INSR: variants seen among roughly 807,000 people sequenced by gnomAD.
INSR encodes IR.
In INSR, 67 loss-of-function variants were observed where a neutral mutation model predicts 142.6. That is an observed-to-expected ratio of 0.47 (90% CI 0.39 to 0.58). The LOEUF is 0.58. Ranked by LOEUF, INSR falls within the 20% of genes least tolerant of loss-of-function variation. The pLI is 0.00. For synonymous variants in INSR, 756 were observed against 743.1 expected (o/e 1.02, Z -0.28); for missense variants, 1,248 against 1,833.2 (o/e 0.68, Z 5.83).
Position 7,174,649 on chromosome 19 carries a change from A to G in INSR, c.1057T>C (p.Ser353Pro), listed in dbSNP as rs55816055. ...EGEKTIDSVT[S>P]AQELRGCTVI... ...GTGCATCCTCGGAGCTCCTGGGCAG[A>G]CGTCACCGAGTCGATGGTCTTCTCG... Residue 353 changes from serine (S) to proline (P), a missense_variant, in exon 4 of 22, where the codon TCT becomes CCT. Ser to Pro is a moderately conservative substitution (Grantham distance 74). Transcript: ENST00000302850. 1 of 1,614,014 alleles carries G rather than the reference A, an allele frequency of 6.2e-7. No homozygotes were observed. The highest frequency in any genetic ancestry group is 8.5e-7 in the Non-Finnish European group (1 of 1,180,002).
In INSR at chr19:7,132,176, A is replaced by G; in HGVS notation, c.2824T>C (p.Phe942Leu). 6.2e-7 allele frequency: 1 copy of G among 1,614,118 alleles called. No homozygotes were observed. The change falls in exon 14 of 22, where the codon TTC (phenylalanine) becomes CTC (leucine). Residue 942 changes from phenylalanine to leucine, a missense_variant. Phe to Leu is a conservative substitution (Grantham distance 22). This residue lies in a region of INSR where 1,069 missense variants were observed against 1,654.0 expected (regional missense o/e 0.65). Coordinates refer to ENST00000302850, the MANE Select transcript of INSR (RefSeq NM_000208.4). Reference protein sequence around the residue: ...GNGSWTEPTYFYVTDYLDVPS... With the variant: ...GNGSWTEPTYLYVTDYLDVPS... ...GACTTACAATAGTCTGTCACGTAGA[A>G]ATAGGTGGGTTCCGTCCAAGAGCCG...
At chr19:7,248,080 C>T (rs1217577355) in intron 2 of INSR, among the ~76,000 whole-genome samples, 3 of 152,090 alleles carry the variant, frequency 2.0e-5, no homozygotes, top group Non-Finnish European at 4.4e-5. Flanking sequence ...AGGAGGATCA[C>T]TTGAGCCCAG....
chr19:7,191,945 GGAGA>G (rs1974603031), intron 2 of INSR, among the ~76,000 whole-genome samples: 1 of 126,614 alleles, frequency 7.9e-6, no homozygotes, highest in Non-Finnish European at 1.7e-5. Flanking sequence ...AAGGAAGGAA[GGAGA>G]GAGATAAAAA....
At chr19:7,167,864 G>A in intron 7 of INSR, 104 bp downstream of exon 7, 3 of 1,362,836 alleles carry the variant, frequency 2.2e-6, no homozygotes, top group Non-Finnish European at 3.1e-6. Flanking sequence ...GAGGAGGAGG[G>A]AGATAGACAG....
At chr19:7,147,092 C>T (rs928401999) in intron 11 of INSR, among the ~76,000 whole-genome samples, 1 of 152,116 alleles carries the variant, frequency 6.6e-6, no homozygotes, top group African/African-American at 2.4e-5. Context: ...ATGTGATATT[C>T]ACATTTTCAT....
In INSR at chr19:7,159,454, T is replaced by A. The variant is rs1239921468; in HGVS notation, c.2029+3578A>T. 1 of 152,014 alleles carries A rather than the reference T, an allele frequency of 6.6e-6. No individual in the cohort carries two copies. Among genetic ancestry groups the A allele is most frequent in the Non-Finnish European group, 1.5e-5 (1 of 68,010 alleles). The allele number at this position is 152,014 out of a possible 1,614,324, so 9.4% of individuals were successfully genotyped here. A position where few individuals can be genotyped will look rare whatever the true frequency, so the allele number is the denominator to read the frequency against. ...CTTAGTGAGTTTCCTTTTAATGATA[T>A]TAACTTTGTGACAATTACAAATAAA... On this transcript the variant is annotated intron_variant, in intron 9 of 21. Transcript: ENST00000302850. This position sits in a 1 kb window ranked among gnomAD's most constrained non-coding sequence, Gnocchi z 4.3.
chr19:7,138,065 G>A (rs1225183739), intron 13 of INSR, among the ~76,000 whole-genome samples: 2 of 150,174 alleles, frequency 1.3e-5, no homozygotes, highest in African/African-American at 2.4e-5. Context: ...CTGGGTTCAC[G>A]CCATTCTCCT....
rs1303243116 is a variant in INSR at position 7,150,317 on chromosome 19, C to G, written c.2267+180G>C. ...GAAGGTTTCTCCCCACATTCATGCCCAGATTTCATTTCAGAGTGAAGGCAT... is the reference window on the plus strand; with the variant it reads ...GAAGGTTTCTCCCCACATTCATGCCGAGATTTCATTTCAGAGTGAAGGCAT... On this transcript the variant is annotated intron_variant, in intron 11 of 21. Coordinates refer to ENST00000302850, the MANE Select transcript of INSR (RefSeq NM_000208.4). The surrounding 1 kb of genome is among the most constrained non-coding windows in gnomAD (Gnocchi z 4.2). Among the ~76,000 whole-genome samples the G allele has an allele frequency of 6.6e-6, 1 of 152,188 alleles. No individual in the cohort carries two copies. Among genetic ancestry groups the G allele is most frequent in the Non-Finnish European group, 1.5e-5 (1 of 68,022 alleles).
At chr19:7,210,572 G>C (rs1448135836) in intron 2 of INSR, among the ~76,000 whole-genome samples, 2 of 152,060 alleles carry the variant, frequency 1.3e-5, no homozygotes, top group East Asian at 3.9e-4. Context: ...CAGTTTCCCT[G>C]TCTGTAGAAT....
At chr19:7,189,520 G>A (rs1325633904) in intron 2 of INSR, among the ~76,000 whole-genome samples, 1 of 152,184 alleles carries the variant, frequency 6.6e-6, no homozygotes, top group East Asian at 1.9e-4. Flanking sequence ...ACTCTGCCAC[G>A]ATGGCATGAT....
At chr19:7,193,328 A>G (rs895848103) in intron 2 of INSR, among the ~76,000 whole-genome samples, 4 of 152,022 alleles carry the variant, frequency 2.6e-5, no homozygotes, top group African/African-American at 9.7e-5. Flanking sequence ...CCTGACCAAC[A>G]TGGTGAGACT....
chr19:7,254,028 C>CAAA (rs59085878), intron 2 of INSR, among the ~76,000 whole-genome samples: 6 of 125,172 alleles, frequency 4.8e-5, no homozygotes, highest in Non-Finnish European at 6.7e-5. Flanking sequence ...AACTCCATCT[C>CAAA]AAAAAAAAAA....
Position 7,222,761 on chromosome 19 carries a change from G to T in INSR, c.653-38124C>A, listed in dbSNP as rs138990001. Among the ~76,000 whole-genome samples the T allele has an allele frequency of 3.6e-3, 548 of 152,208 alleles. 1 individual carries two copies. Among genetic ancestry groups the T allele is most frequent in the Non-Finnish European group, 6.4e-3 (437 of 68,004 alleles). ...GGTGGAGGAAACAGCTGTGTCCTTG[G>T]GGAGGGCCAGGCTGTAGGTAACTAC... On this transcript the variant is annotated intron_variant, in intron 2 of 21. Transcript: ENST00000302850.
At chr19:7,185,969 CG>C (rs1185392659) in intron 2 of INSR, among the ~76,000 whole-genome samples, 2 of 142,474 alleles carry the variant, frequency 1.4e-5, no homozygotes, top group African/African-American at 5.4e-5. Flanking sequence ...CCAAGGTGGG[CG>C]GATCACCTGA....
chr19:7,160,139 AATTATTATTATTTTT>A (rs1973709670), intron 9 of INSR, among the ~76,000 whole-genome samples: 1 of 151,596 alleles, frequency 6.6e-6, no homozygotes, highest in Admixed American at 6.6e-5. Flanking sequence ...ACCTCTAAAA[AATTATTATTATTTTT>A]ATTATTATTA....
At chr19:7,280,892 G>A (rs1205922159) in intron 1 of INSR, among the ~76,000 whole-genome samples, 1 of 151,212 alleles carries the variant, frequency 6.6e-6, no homozygotes, top group African/African-American at 2.4e-5. Flanking sequence ...AGCGAGACTC[G>A]ATCTCCAAAA....
At chr19:7,217,079 C>A (rs1975459636) in intron 2 of INSR, among the ~76,000 whole-genome samples, 1 of 151,704 alleles carries the variant, frequency 6.6e-6, no homozygotes, top group African/African-American at 2.4e-5. Context: ...GAAATCGTCC[C>A]ACCTTGGCCT....
rs1299461623 is a variant in INSR at position 7,216,063 on chromosome 19, C to CCA, written c.653-31427_653-31426insTG. Among the ~76,000 whole-genome samples, 2 of 151,676 alleles carry CCA rather than the reference C, an allele frequency of 1.3e-5. No individual in the cohort carries two copies. Among genetic ancestry groups the CCA allele is most frequent in the African/African-American group, 4.8e-5 (2 of 41,306 alleles). ...GCAGGCTGGGCACGGTGGCTCACGCCTATAATCCCAGCACTTTGGGAGGCC... is the reference window on the plus strand; with the variant it reads ...GCAGGCTGGGCACGGTGGCTCACGCCCATATAATCCCAGCACTTTGGGAGGCC... On this transcript the variant is annotated intron_variant, in intron 2 of 21. Transcript: ENST00000302850. The surrounding 1 kb of genome is among the most constrained non-coding windows in gnomAD (Gnocchi z 4.2).
At chr19:7,173,752 T>C (rs557280318) in intron 4 of INSR, among the ~76,000 whole-genome samples, 116 of 151,326 alleles carry the variant, frequency 7.7e-4, no homozygotes, top group Non-Finnish European at 1.3e-3. Flanking sequence ...CCTGCGTAGC[T>C]GGGATTACAG....
Sources: allele counts gnomAD v4.1 joint callset (sites outside exome capture counted in the v4.1 genomes callset), GRCh38; gene constraint gnomAD v4.1.1; regional missense constraint gnomAD v4.1.1; non-coding constraint Gnocchi (gnomAD v3.1); transcripts MANE v1.5; gene names NCBI Gene and HGNC (gene_info 2026-07-23, HGNC 2026-07-21).